Variants in KYNU observed in about 807,000 individuals in gnomAD.
The protein encoded by KYNU is kynureninase.
A neutral mutation model predicts 59.2 loss-of-function variants in KYNU; 54 were observed. The ratio of observed to expected loss-of-function variants is 0.91; its 90% CI spans 0.73 to 1.14. KYNU has a LOEUF of 1.14. Ranked by LOEUF, KYNU falls within the 50% of genes most tolerant of loss-of-function variation. KYNU has a pLI of 0.00. For missense variants in KYNU, 567 were observed against 554.4 expected, an observed-to-expected ratio of 1.02 and a Z score of -0.23; for synonymous variants, 177 against 192.0, an observed-to-expected ratio of 0.92 and a Z score of 0.65.
chr2:142,970,653 A>T lies in KYNU; in HGVS notation c.729+9883A>T, dbSNP rs149776355. ...AAAGTCAGTTGGACTTTGTTGGGAC[A>T]GTTGTGATTGGCACCATGTTTTGCC... On this transcript the variant is annotated intron_variant, in intron 8 of 13. Transcript: ENST00000264170. Among the ~76,000 whole-genome samples the T allele has an allele frequency of 2.4e-4, 37 of 152,344 alleles. No individual in the cohort carries two copies. The East Asian group carries it at 5.4e-3, about 22-fold the overall frequency.
At chr2:142,886,457 T>C (rs1255464120) in intron 2 of KYNU, among the ~76,000 whole-genome samples, 1 of 152,134 alleles carries the variant, frequency 6.6e-6, no homozygotes, top group African/African-American at 2.4e-5. Context: ...TCTGGAAGAA[T>C]GAAAGAAGAG....
intron 10 of KYNU, among the ~76,000 whole-genome samples, chr2:143,006,274 C>A (rs378948): frequency 6.6e-6 from 1 of 151,572 alleles, no homozygotes; most frequent in Non-Finnish European, 1.5e-5. Context: ...GTTCCCTTTC[C>A]GAGTCAAAGA....
chr2:142,974,981 G>C (rs1573860060), intron 8 of KYNU, among the ~76,000 whole-genome samples: 1 of 152,112 alleles, frequency 6.6e-6, no homozygotes, highest in Admixed American at 6.6e-5. Flanking sequence ...CTTGAAATCA[G>C]TGGGTAATAA....
chr2:143,042,630 A>ATGTGTGTGTGTG lies in KYNU; in HGVS notation c.*466_*477dup, dbSNP rs1199910652. 1.7e-5 allele frequency: 2 copies of ATGTGTGTGTGTG among 118,120 alleles called. No individual in the cohort carries two copies. The highest frequency in any genetic ancestry group is 8.4e-5 in the African/African-American group (2 of 23,850). The allele number at this position is 118,120 out of a possible 1,614,324, so 7.3% of individuals were successfully genotyped here. A position where few individuals can be genotyped will look rare whatever the true frequency, so the allele number is the denominator to read the frequency against. The stretch of plus-strand genomic sequence containing the variant: ...TATATATATATATATATATATATAT[A>ATGTGTGTGTGTG]TGTGTGTGTGTGTGTGTGTATATAT... On this transcript the variant is annotated 3_prime_UTR_variant, in exon 14 of 14. Transcript: ENST00000264170.
chr2:143,035,993 T>C (rs111798397), intron 12 of KYNU, among the ~76,000 whole-genome samples: 6,108 of 152,024 alleles, frequency 0.04, 148 homozygotes, highest in Non-Finnish European at 0.051. Flanking sequence ...AGGCTGATCT[T>C]GAACTACTGG....
intron 3 of KYNU, among the ~76,000 whole-genome samples, chr2:142,922,502 T>A (rs1294763369): frequency 6.6e-6 from 1 of 152,032 alleles, no homozygotes; most frequent in East Asian, 1.9e-4. Flanking sequence ...TCAGACCCAG[T>A]CTCAAAAAAA....
chr2:142,943,228 T>C (rs760028327), intron 4 of KYNU, among the ~76,000 whole-genome samples: 1 of 151,742 alleles, frequency 6.6e-6, no homozygotes, highest in East Asian at 1.9e-4. Context: ...GACTACCTAC[T>C]GTAACACCAG....
At chr2:142,978,731 A>G (rs1051605223) in intron 8 of KYNU, among the ~76,000 whole-genome samples, 2 of 152,182 alleles carry the variant, frequency 1.3e-5, no homozygotes, top group Non-Finnish European at 2.9e-5. Context: ...TTAATAATTA[A>G]TAAGAGCGTA....
At chr2:142,881,531 A>C (rs1163108203) in intron 1 of KYNU, 2 of 152,176 alleles carry the variant, frequency 1.3e-5, no homozygotes, top group African/African-American at 4.8e-5. Context: ...AGGTGAAGGG[A>C]GGCAGAAGAA....
chr2:142,991,942 C>T (rs1168379859), intron 10 of KYNU, among the ~76,000 whole-genome samples: 1 of 151,952 alleles, frequency 6.6e-6, no homozygotes, highest in Non-Finnish European at 1.5e-5. Flanking sequence ...CACTAATAAA[C>T]TCCCTGCTTG....
chr2:142,997,081 A>G (rs1211051068), intron 10 of KYNU, among the ~76,000 whole-genome samples: 1 of 152,186 alleles, frequency 6.6e-6, no homozygotes, highest in Admixed American at 6.5e-5. Context: ...AGACAACTTG[A>G]TAACAAATTT....
In KYNU at chr2:142,926,278, TA is replaced by T. The variant is rs201716375; in HGVS notation, c.291-1371del. On this transcript the variant is annotated intron_variant, in intron 3 of 13. Transcript: ENST00000264170. ...ATGTATCCCAGAACTTAAAGTATAA[TA>T]AAAAAAAAAGTCAGAGGAATATATA... Among the ~76,000 whole-genome samples, 321 of 148,114 alleles carry T rather than the reference TA, an allele frequency of 2.2e-3. 1 individual carries two copies. Among genetic ancestry groups the T allele is most frequent in the Non-Finnish European group, 3.3e-3 (223 of 66,700 alleles).
intron 8 of KYNU, among the ~76,000 whole-genome samples, chr2:142,964,079 G>A (rs1684445360): frequency 1.3e-5 from 2 of 150,004 alleles, no homozygotes; most frequent in Admixed American, 1.3e-4. Flanking sequence ...TTTTATATGT[G>A]TGAGATTCAT....
intron 4 of KYNU, among the ~76,000 whole-genome samples, chr2:142,932,696 C>A (rs1341563767): frequency 7.1e-6 from 1 of 141,578 alleles, no homozygotes; most frequent in African/African-American, 2.7e-5. Context: ...TGAGTGAGGG[C>A]AATGAGTTCA....
In KYNU at chr2:142,996,917, G is replaced by A. The variant is rs533391491; in HGVS notation, c.902+10896G>A. ...GTCATTCTCAAGTGATAAAAATGAA[G>A]CATCACAATTGAGTGAACTGCTGGT... On this transcript the variant is annotated intron_variant, in intron 10 of 13. Coordinates refer to ENST00000264170, the MANE Select transcript of KYNU (RefSeq NM_003937.3). 3.3e-5 allele frequency among the ~76,000 whole-genome samples: 5 copies of A among 152,186 alleles called. No individual in the cohort carries two copies. The East Asian group carries it at 9.7e-4, about 30-fold the overall frequency.
intron 4 of KYNU, among the ~76,000 whole-genome samples, chr2:142,929,022 A>AAC (rs1558926677): frequency 2.2e-4 from 33 of 146,924 alleles, no homozygotes; most frequent in African/African-American, 8.4e-4. Flanking sequence ...AAAAAAAAAA[A>AAC]AAACAAAAAA....
At chr2:143,007,107 C>A (rs1396914676) in intron 10 of KYNU, among the ~76,000 whole-genome samples, 1 of 151,950 alleles carries the variant, frequency 6.6e-6, no homozygotes, top group African/African-American at 2.4e-5. Flanking sequence ...TCAAATTACT[C>A]TGAGCTATGG....
chr2:142,931,134 T>C (rs906292244), intron 4 of KYNU, among the ~76,000 whole-genome samples: 1 of 152,250 alleles, frequency 6.6e-6, no homozygotes, highest in African/African-American at 2.4e-5. Context: ...TCTGATATCT[T>C]GCTGGCGCAC....
At chr2:142,924,047 A>C (rs544423479) in intron 3 of KYNU, among the ~76,000 whole-genome samples, 3 of 152,314 alleles carry the variant, frequency 2.0e-5, no homozygotes, top group African/African-American at 7.2e-5. Context: ...CACTAAGAAA[A>C]TACATAGAAT....
Sources: gnomAD v4.1 joint callset for allele counts (sites outside exome capture counted in the v4.1 genomes callset) on GRCh38, gnomAD v4.1.1 for gene constraint, MANE v1.5 for transcripts, NCBI Gene and HGNC (gene_info 2026-07-23, HGNC 2026-07-21) for gene names.